The following GRID2 variants were observed in gnomAD, a reference collection of about 807,000 sequenced individuals.
The protein encoded by GRID2 is glutamate ionotropic receptor delta type subunit 2.
Under a neutral mutation model 114.8 loss-of-function variants are expected in GRID2, and 33 were observed. That is an observed-to-expected ratio of 0.29 (90% confidence interval 0.22 to 0.38). The LOEUF is 0.38. GRID2 is among the 10% of genes least tolerant of loss of function. The pLI is 1.00. For synonymous variants in GRID2, 505 were observed against 449.9 expected, an observed-to-expected ratio of 1.12 and a Z score of -1.55; for missense variants, 1,184 against 1,257.7, an observed-to-expected ratio of 0.94 and a Z score of 0.89.
At position 92,354,326 on chromosome 4, in the gene GRID2, G is replaced by A. The variant is rs564722455; in HGVS notation, c.88+49582G>A. Among the ~76,000 whole-genome samples, 6 of 152,016 alleles carry A rather than the reference G, an allele frequency of 3.9e-5. No individual in the cohort carries two copies. The East Asian group carries it at 1.2e-3, about 30-fold the overall frequency. On this transcript the variant is annotated intron_variant, in intron 1 of 15. Transcript: ENST00000282020. ...ACCTTTGACTGTCTTATAGAGTTCT[G>A]ACAAATTTGGTTTTGATAGTTTCTG...
intron 2 of GRID2, among the ~76,000 whole-genome samples, chr4:92,888,359 T>A (rs1464915687): frequency 6.6e-5 from 10 of 152,164 alleles, no homozygotes; most frequent in Admixed American, 6.6e-4. Flanking sequence ...ATTATTTATA[T>A]AATTATTTGG....
chr4:93,534,542 TC>T, intron 13 of GRID2, among the ~76,000 whole-genome samples: 1 of 152,246 alleles, frequency 6.6e-6, no homozygotes, highest in East Asian at 1.9e-4. Context: ...CCTTTTTCAC[TC>T]ACTGATAGAT....
At chr4:92,589,139 G>T (rs1020377612) in intron 1 of GRID2, among the ~76,000 whole-genome samples, 2 of 151,994 alleles carry the variant, frequency 1.3e-5, no homozygotes, top group African/African-American at 2.4e-5. Context: ...AACAAAAAGA[G>T]CAGTGAAAAG....
At chr4:92,790,119 C>G (rs759686328) in intron 2 of GRID2, among the ~76,000 whole-genome samples, 1 of 151,594 alleles carries the variant, frequency 6.6e-6, no homozygotes, top group Admixed American at 6.6e-5. Context: ...TGTGCGTATG[C>G]GTGTATACAT....
intron 4 of GRID2, among the ~76,000 whole-genome samples, chr4:93,126,660 C>G (rs1272867661): frequency 1.6e-5 from 2 of 124,568 alleles, no homozygotes; most frequent in African/African-American, 6.3e-5. Context: ...TGCAGTGGCG[C>G]GATCTCGGCT....
At chr4:92,982,022 TAAAAAA>T (rs1161216679) in intron 2 of GRID2, among the ~76,000 whole-genome samples, 25 of 80,196 alleles carry the variant, frequency 3.1e-4, no homozygotes, top group East Asian at 9.8e-4. Flanking sequence ...AAAGTACTGG[TAAAAAA>T]AAAAAAAAAA....
At chr4:92,607,485 C>A (rs536516579) in intron 2 of GRID2, among the ~76,000 whole-genome samples, 10 of 151,796 alleles carry the variant, frequency 6.6e-5, no homozygotes, top group African/African-American at 2.4e-4. Context: ...GGGGAAGAAC[C>A]GCAAGTTACT....
At chr4:92,868,054 T>G (rs1157269583) in intron 2 of GRID2, among the ~76,000 whole-genome samples, 28 of 139,150 alleles carry the variant, frequency 2.0e-4, no homozygotes, top group Non-Finnish European at 3.1e-4. Flanking sequence ...CTTTCTTTCT[T>G]TCTTTCTTTC....
chr4:92,637,240 T>G (rs1353353739), intron 2 of GRID2, among the ~76,000 whole-genome samples: 1 of 151,972 alleles, frequency 6.6e-6, no homozygotes, highest in Non-Finnish European at 1.5e-5. Flanking sequence ...ATTTGCTACT[T>G]TTTAGTAGCC....
At chr4:93,223,315 ATGT>A (rs1745110393) in intron 6 of GRID2, among the ~76,000 whole-genome samples, 1 of 152,162 alleles carries the variant, frequency 6.6e-6, no homozygotes, top group Non-Finnish European at 1.5e-5. Context: ...TGAGTGTTCA[ATGT>A]CTCTTCAAAA....
chr4:92,503,667 A>T (rs1579480190), intron 1 of GRID2, among the ~76,000 whole-genome samples: 1 of 152,110 alleles, frequency 6.6e-6, no homozygotes. Flanking sequence ...GAACAGCATG[A>T]TTTCCTTCCC....
intron 2 of GRID2, among the ~76,000 whole-genome samples, chr4:92,704,799 C>CCCCTT: frequency 6.7e-6 from 1 of 148,816 alleles, no homozygotes; most frequent in East Asian, 2.0e-4. Flanking sequence ...CTGGGGCCCT[C>CCCCTT]CCCTTCCCTC....
chr4:92,851,864 C>T (rs944425399), intron 2 of GRID2, among the ~76,000 whole-genome samples: 1 of 151,906 alleles, frequency 6.6e-6, no homozygotes, highest in Non-Finnish European at 1.5e-5. Context: ...ATTCACAAAA[C>T]AGGAATGAAT....
rs150812643 is a variant in GRID2 at position 92,600,970 on chromosome 4, G to A, written c.244+10684G>A. ...ACATCTGGACTGCCTAGATTCCTCA[G>A]AGCCACCAGGAAGGACTAAGTCTGT... is the stretch of plus-strand genomic sequence containing the variant. On this transcript the variant is annotated intron_variant, in intron 2 of 15. Transcript: ENST00000282020. Among the ~76,000 whole-genome samples, 89 of 152,284 alleles carry A rather than the reference G, an allele frequency of 5.8e-4. 1 individual carries two copies. Among genetic ancestry groups the A allele is most frequent in the Non-Finnish European group, 8.7e-4 (59 of 68,022 alleles).
chr4:93,474,597 G>C (rs545762483), intron 11 of GRID2, among the ~76,000 whole-genome samples: 1 of 152,234 alleles, frequency 6.6e-6, no homozygotes, highest in Non-Finnish European at 1.5e-5. Flanking sequence ...GAGGAGAATA[G>C]AGGGAGAAAA....
intron 1 of GRID2, among the ~76,000 whole-genome samples, chr4:92,313,156 G>A (rs1207458720): frequency 6.6e-6 from 1 of 151,134 alleles, no homozygotes; most frequent in Non-Finnish European, 1.5e-5. Context: ...CCATAAAAAA[G>A]AACGAATTAA....
rs568209814 is a variant in GRID2, at chr4:92,661,356, T to C, written c.244+71070T>C. On this transcript the variant is annotated intron_variant, in intron 2 of 15. Transcript: ENST00000282020. Reference sequence around the variant, plus strand: ...ATGTAAGATTTCATTTTCCTAAATTTAAAAATCCTTACATTTATGAGGGCC... The same window carrying C: ...ATGTAAGATTTCATTTTCCTAAATTCAAAAATCCTTACATTTATGAGGGCC... Among the ~76,000 whole-genome samples the C allele has an allele frequency of 1.1e-4, 16 of 150,992 alleles. 1 individual carries two copies. In the South Asian group the frequency reaches 3.1e-3, roughly 29 times the overall value.
chr4:93,108,624 A>ATTTTT (rs66780792), intron 3 of GRID2, among the ~76,000 whole-genome samples: 3 of 142,730 alleles, frequency 2.1e-5, no homozygotes, highest in Non-Finnish European at 1.5e-5. Flanking sequence ...TCTGACATGT[A>ATTTTT]TTTTTTTTTT....
intron 1 of GRID2, among the ~76,000 whole-genome samples, chr4:92,356,109 G>A (rs1409159230): frequency 1.3e-5 from 2 of 151,352 alleles, no homozygotes; most frequent in African/African-American, 2.4e-5. Flanking sequence ...ATATTTCTTT[G>A]TATTAAGTTG....
Sources: gnomAD v4.1 joint callset for allele counts (sites outside exome capture counted in the v4.1 genomes callset) on GRCh38, gnomAD v4.1.1 for gene constraint, MANE v1.5 for transcripts, NCBI Gene and HGNC (gene_info 2026-07-23, HGNC 2026-07-21) for gene names.